Variants in ARB2A observed in about 807,000 individuals in gnomAD.
ARB2A encodes cotranscriptional regulator ARB2A.
At chr5:93,993,199 T>A in the ARB2A span, among the ~76,000 whole-genome samples, 4 of 152,136 alleles carry the variant, frequency 2.6e-5, no homozygotes, top group Non-Finnish European at 4.4e-5. Flanking sequence ...ATATGTAACT[T>A]CAGTGATCTC....
At chr5:93,843,722 AG>A in the ARB2A span, among the ~76,000 whole-genome samples, 1 of 152,182 alleles carries the variant, frequency 6.6e-6, no homozygotes, top group Non-Finnish European at 1.5e-5. Context: ...AAACAGCAGA[AG>A]TGAAAAATTC....
At chr5:94,070,662 G>A in the ARB2A span, among the ~76,000 whole-genome samples, 1 of 151,868 alleles carries the variant, frequency 6.6e-6, no homozygotes, top group Non-Finnish European at 1.5e-5. Flanking sequence ...TCCAAAGACT[G>A]GGAATGTTTA....
the ARB2A span, among the ~76,000 whole-genome samples, chr5:93,914,760 G>A: frequency 6.6e-6 from 1 of 151,870 alleles, no homozygotes; most frequent in Non-Finnish European, 1.5e-5. Flanking sequence ...CAGCAGAGCA[G>A]GTGGTATTCT....
chr5:93,690,421 A>C, the ARB2A span, among the ~76,000 whole-genome samples: 22 of 152,146 alleles, frequency 1.4e-4, no homozygotes, highest in Non-Finnish European at 2.9e-5. Context: ...CCTTCACAGG[A>C]TTAACAAAGA....
chr5:93,683,779 A>G, the ARB2A span: 2 of 1,423,842 alleles, frequency 1.4e-6, no homozygotes, highest in Non-Finnish European at 2.0e-6. Context: ...ACGCTGCTGC[A>G]GAGAACAGCC....
chr5:93,820,662 A>C, the ARB2A span, among the ~76,000 whole-genome samples: 3 of 152,220 alleles, frequency 2.0e-5, no homozygotes, highest in Admixed American at 1.3e-4. Flanking sequence ...TAATAACTGT[A>C]ACTTTACATA....
the ARB2A span, among the ~76,000 whole-genome samples, chr5:93,828,543 C>T: frequency 6.6e-6 from 1 of 152,174 alleles, no homozygotes; most frequent in Non-Finnish European, 1.5e-5. Context: ...TCTGGTTTAG[C>T]TCAAGCCACC....
chr5:94,050,277 C>T, the ARB2A span, among the ~76,000 whole-genome samples: 462 of 130,394 alleles, frequency 3.5e-3, 2 homozygotes, highest in African/African-American at 0.013. Context: ...TTTTTTGAGA[C>T]GGAGTCTTGC....
chr5:93,995,704 T>C, the ARB2A span, among the ~76,000 whole-genome samples: 1 of 152,064 alleles, frequency 6.6e-6, no homozygotes, highest in Non-Finnish European at 1.5e-5. Flanking sequence ...TTATACAAGA[T>C]GAGCAAGTTC....
chr5:93,779,136 C>T, the ARB2A span, among the ~76,000 whole-genome samples: 48 of 148,832 alleles, frequency 3.2e-4, 1 homozygote, highest in African/African-American at 8.4e-4. Flanking sequence ...CGCGCGCGCG[C>T]GCACGTGCAG....
chr5:94,051,160 TTACC>T, the ARB2A span, among the ~76,000 whole-genome samples: 1 of 152,086 alleles, frequency 6.6e-6, no homozygotes, highest in Non-Finnish European at 1.5e-5. Flanking sequence ...AGCTTAGAGG[TTACC>T]TGAGGAGTAA....
the ARB2A span, among the ~76,000 whole-genome samples, chr5:93,628,468 T>A: frequency 6.6e-6 from 1 of 152,222 alleles, no homozygotes; most frequent in Non-Finnish European, 1.5e-5. Context: ...CCTTTGAAGC[T>A]TTGAAGCCAG....
chr5:94,030,273 T>C, the ARB2A span, among the ~76,000 whole-genome samples: 1 of 152,252 alleles, frequency 6.6e-6, no homozygotes, highest in South Asian at 2.1e-4. Flanking sequence ...GTTTCTCTGC[T>C]ACAGGTTTCA....
the ARB2A span, chr5:94,050,595 A>C: frequency 1.5e-6 from 1 of 650,782 alleles, no homozygotes; most frequent in Non-Finnish European, 2.5e-6. Flanking sequence ...ACTAAAAAGG[A>C]ACAAAAAAAA....
At chr5:93,897,120 C>T in the ARB2A span, among the ~76,000 whole-genome samples, 1 of 151,848 alleles carries the variant, frequency 6.6e-6, no homozygotes, top group Non-Finnish European at 1.5e-5. Context: ...AATGAAATCA[C>T]TTGATTTCCT....
the ARB2A span, chr5:93,863,771 A>G: frequency 3.3e-5 from 5 of 152,148 alleles, no homozygotes; most frequent in African/African-American, 1.2e-4. Flanking sequence ...AACTATTGAC[A>G]TAATTTAATA....
At chr5:93,942,025 C>G in the ARB2A span, among the ~76,000 whole-genome samples, 5 of 152,076 alleles carry the variant, frequency 3.3e-5, no homozygotes, top group African/African-American at 1.2e-4. Flanking sequence ...GACCAAAATT[C>G]CAGAAGGTAA....
chr5:93,959,639 T>C, the ARB2A span, among the ~76,000 whole-genome samples: 3 of 152,178 alleles, frequency 2.0e-5, no homozygotes, highest in Non-Finnish European at 4.4e-5. Flanking sequence ...TCATTCAGAT[T>C]GTGAACACAG....
the ARB2A span, among the ~76,000 whole-genome samples, chr5:94,012,140 C>T: frequency 0.019 from 2,858 of 152,090 alleles, 45 homozygotes; most frequent in Non-Finnish European, 0.029. Context: ...CAGTGGCTCA[C>T]GCCTGTAATC....
Sources: allele counts gnomAD v4.1 joint callset (sites outside exome capture counted in the v4.1 genomes callset), GRCh38; gene constraint gnomAD v4.1.1; transcripts MANE v1.5; gene names NCBI Gene and HGNC (gene_info 2026-07-23, HGNC 2026-07-21).